ADAMTS18: variants seen among roughly 807,000 people sequenced by gnomAD.
ADAMTS18 encodes ADAM metallopeptidase with thrombospondin type 1 motif 18, also known as A disintegrin and metalloproteinase with thrombospondin motifs 18.
ADAMTS18 carries 157 observed loss-of-function variants against 165.9 expected under a neutral mutation model. That is an observed-to-expected ratio of 0.95 (90% confidence interval 0.83 to 1.08). The LOEUF (loss-of-function observed/expected upper bound fraction) is 1.08, where lower values mean the gene tolerates loss of function less well. Among genes scored for constraint, ADAMTS18 ranks in the 50% least tolerant of loss-of-function variants. ADAMTS18 has a pLI of 0.00. For missense variants in ADAMTS18, 2,040 were observed against 1,534.0 expected (o/e 1.33, Z -5.51); for synonymous variants, 782 against 578.2 (o/e 1.35, Z -5.06).
intron 10 of ADAMTS18, among the ~76,000 whole-genome samples, chr16:77,342,472 G>A (rs1028470272): frequency 6.6e-6 from 1 of 151,974 alleles, no homozygotes; most frequent in African/African-American, 2.4e-5. Flanking sequence ...CTGACTGACT[G>A]TAGAGACAGA....
At chr16:77,312,135 C>G (rs2055793230) in intron 16 of ADAMTS18, among the ~76,000 whole-genome samples, 1 of 151,860 alleles carries the variant, frequency 6.6e-6, no homozygotes, top group Non-Finnish European at 1.5e-5. Flanking sequence ...AGGTGCTGTC[C>G]GTATTATTTA....
intron 9 of ADAMTS18, among the ~76,000 whole-genome samples, chr16:77,355,640 T>C (rs1052197140): frequency 1.3e-5 from 2 of 152,162 alleles, no homozygotes; most frequent in South Asian, 2.1e-4. Flanking sequence ...TTACCAGCGA[T>C]AGTACCTTAT....
intron 5 of ADAMTS18, 45 bp from the exon 6 acceptor site, chr16:77,363,930 A>C: frequency 6.4e-7 from 1 of 1,572,822 alleles, no homozygotes; most frequent in East Asian, 2.2e-5. Context: ...AATTTTCAAA[A>C]CCTTAGGGGG....
intron 10 of ADAMTS18, among the ~76,000 whole-genome samples, chr16:77,343,196 C>T (rs143398247): frequency 4.0e-4 from 61 of 152,200 alleles, no homozygotes; most frequent in African/African-American, 1.4e-3. Flanking sequence ...GCCTCAGCCT[C>T]CTGAGTAACT....
chr16:77,371,684 G>A (rs961493398), intron 3 of ADAMTS18, among the ~76,000 whole-genome samples: 1 of 152,038 alleles, frequency 6.6e-6, no homozygotes, highest in Non-Finnish European at 1.5e-5. Context: ...GAAAACATAG[G>A]GAAAATACTT....
chr16:77,424,436 C>G (rs2057645424), intron 3 of ADAMTS18, among the ~76,000 whole-genome samples: 1 of 151,560 alleles, frequency 6.6e-6, no homozygotes, highest in Non-Finnish European at 1.5e-5. Flanking sequence ...CCATTGCACT[C>G]CAGCCTGGGC....
At chr16:77,341,824 C>A (rs1282048201) in intron 10 of ADAMTS18, 25 bp from the exon 11 acceptor site, 2 of 1,534,628 alleles carry the variant, frequency 1.3e-6, no homozygotes, top group Non-Finnish European at 1.8e-6. Flanking sequence ...AAGGGGGGTG[C>A]TGTTAATGGT....
chr16:77,336,699 T>G (rs1025108273), intron 11 of ADAMTS18, among the ~76,000 whole-genome samples: 1 of 152,224 alleles, frequency 6.6e-6, no homozygotes, highest in African/African-American at 2.4e-5. Context: ...GTTCTCCTTT[T>G]TGTAACAAAT....
At chr16:77,410,983 A>G (rs1044833383) in intron 3 of ADAMTS18, among the ~76,000 whole-genome samples, 1 of 152,188 alleles carries the variant, frequency 6.6e-6, no homozygotes, top group African/African-American at 2.4e-5. Flanking sequence ...AGACCATTAC[A>G]TCTTTTCCAT....
At chr16:77,308,080 G>A (rs17769937) in intron 16 of ADAMTS18, among the ~76,000 whole-genome samples, 14,993 of 152,078 alleles carry the variant, frequency 0.099, 1,003 homozygotes, top group East Asian at 0.27. Flanking sequence ...GGCTGCTGTC[G>A]TTTTCAGCTT....
chr16:77,391,937 A>G (rs2057193238), intron 3 of ADAMTS18, among the ~76,000 whole-genome samples: 1 of 152,220 alleles, frequency 6.6e-6, no homozygotes, highest in South Asian at 2.1e-4. Flanking sequence ...TCTAACTTTA[A>G]TAAATGTAAT....
In ADAMTS18 at chr16:77,322,458, G is replaced by C; in HGVS notation, c.2041C>G (p.Arg681Gly). ...TCAGCCTTGCAGTACAGTTTGCATCGATCTTCCTCTAGAAACAAAGAGATC... is the reference window on the plus strand; with the variant it reads ...TCAGCCTTGCAGTACAGTTTGCATCCATCTTCCTCTAGAAACAAAGAGATC... ...KPYTKVEEED[R>G]CKLYCKAENF... Residue 681 changes from arginine to glycine, a missense_variant, in exon 14 of 23, where the codon CGA becomes GGA. Coordinates refer to ENST00000282849, the MANE Select transcript of ADAMTS18 (RefSeq NM_199355.4). The C allele has an allele frequency of 6.2e-7, 1 of 1,613,838 alleles. No individual in the cohort carries two copies. Among genetic ancestry groups the C allele is most frequent in the South Asian group, 1.1e-5 (1 of 91,064 alleles).
At chr16:77,303,947 G>C (rs78495137) in intron 16 of ADAMTS18, among the ~76,000 whole-genome samples, 22,492 of 152,008 alleles carry the variant, frequency 0.15, 1,836 homozygotes, top group East Asian at 0.26. Context: ...GGAGAAGGGC[G>C]TGAACTCAGG....
At chr16:77,342,430 A>G (rs2056412332) in intron 10 of ADAMTS18, among the ~76,000 whole-genome samples, 1 of 150,210 alleles carries the variant, frequency 6.7e-6, no homozygotes, top group Non-Finnish European at 1.5e-5. Context: ...TACCTGAAGC[A>G]TTTTCTATGA....
At chr16:77,377,291 A>G (rs1325581260) in intron 3 of ADAMTS18, among the ~76,000 whole-genome samples, 2 of 152,220 alleles carry the variant, frequency 1.3e-5, no homozygotes, top group East Asian at 3.9e-4. Flanking sequence ...TGACAAATTC[A>G]GTGTTAGGAT....
chr16:77,326,925 C>T (rs2056105406), intron 12 of ADAMTS18, among the ~76,000 whole-genome samples: 1 of 152,182 alleles, frequency 6.6e-6, no homozygotes, highest in Non-Finnish European at 1.5e-5. Context: ...TTAGCTCCCA[C>T]TTATAAGGAA....
chr16:77,365,044 T>C (rs2056773130), intron 4 of ADAMTS18, among the ~76,000 whole-genome samples: 1 of 152,150 alleles, frequency 6.6e-6, no homozygotes, highest in Non-Finnish European at 1.5e-5. Flanking sequence ...AGGCAGAAGT[T>C]GCAGTGAGCC....
chr16:77,356,177 A>G, intron 8 of ADAMTS18, 100 bp from the exon 9 acceptor site: 2 of 1,474,776 alleles, frequency 1.4e-6, no homozygotes, highest in Non-Finnish European at 1.9e-6. Flanking sequence ...CAACAAAACC[A>G]AGTGAGAGAC....
chr16:77,308,111 C>A (rs560641050), intron 16 of ADAMTS18, among the ~76,000 whole-genome samples: 2 of 152,100 alleles, frequency 1.3e-5, no homozygotes, highest in African/African-American at 4.8e-5. Flanking sequence ...CCTTATTACA[C>A]TAGGAATGGG....
Sources: allele counts gnomAD v4.1 joint callset (sites outside exome capture counted in the v4.1 genomes callset), GRCh38; gene constraint gnomAD v4.1.1; transcripts MANE v1.5; gene names NCBI Gene and HGNC (gene_info 2026-07-23, HGNC 2026-07-21).